Variants in PPP2R1A observed in about 807,000 individuals in gnomAD.
PPP2R1A encodes protein phosphatase 2 scaffold subunit Aalpha.
Under a neutral mutation model 67.1 loss-of-function variants are expected in PPP2R1A, and 15 were observed. The observed-to-expected ratio is 0.22, with a 90% CI of 0.15 to 0.34. The LOEUF (loss-of-function observed/expected upper bound fraction) is 0.34. Ranked by LOEUF, PPP2R1A falls within the 10% of genes least tolerant of loss-of-function variation. The pLI, the probability that PPP2R1A is intolerant of heterozygous loss-of-function variation, is 1.00. For synonymous variants in PPP2R1A, 337 were observed against 325.0 expected (o/e 1.04, Z -0.40); for missense variants, 369 against 775.0 (o/e 0.48, Z 6.22).
chr19:52,216,056 G>C lies in PPP2R1A; in HGVS notation c.975G>C (p.Gln325His). The C allele has an allele frequency of 1.9e-6, 3 of 1,613,908 alleles. No individual in the cohort carries two copies. The highest frequency in any genetic ancestry group is 2.2e-5 in the South Asian group (2 of 91,074). ...ADCRENVIMS[Q>H]ILPCIKELVS... ...GTCGGGAGAATGTGATCATGTCCCAGATCTTGCCCTGCATCAAGGTAACAG... is the reference window on the plus strand; with the variant it reads ...GTCGGGAGAATGTGATCATGTCCCACATCTTGCCCTGCATCAAGGTAACAG... The change falls in exon 8 of 15, where the codon CAG (glutamine) becomes CAC (histidine). Residue 325 changes from glutamine to histidine, a missense_variant. Gln to His is a conservative substitution (Grantham distance 24, BLOSUM62 0). Coordinates refer to ENST00000322088, the MANE Select transcript of PPP2R1A (RefSeq NM_014225.6). The surrounding 1 kb of genome is among the most constrained non-coding windows in gnomAD (Gnocchi z 4.3).
chr19:52,192,810 G>T (rs992433612), intron 1 of PPP2R1A, among the ~76,000 whole-genome samples: 2 of 152,182 alleles, frequency 1.3e-5, no homozygotes, highest in Non-Finnish European at 2.9e-5. Context: ...GCAGGGTGAG[G>T]TGTGGGGGAA....
In PPP2R1A at chr19:52,221,949, T is replaced by C. The variant is rs1027652177; in HGVS notation, c.1519-150T>C. On this transcript the variant is annotated intron_variant, in intron 12 of 14. Coordinates refer to ENST00000322088, the MANE Select transcript of PPP2R1A (RefSeq NM_014225.6). ...TGGTGTTAGGATGGTGTTAGTGGAGTTGGGAGATTCACTCCACTAACTGAG... is the reference window on the plus strand; with the variant it reads ...TGGTGTTAGGATGGTGTTAGTGGAGCTGGGAGATTCACTCCACTAACTGAG... 7.1e-5 allele frequency: 49 copies of C among 686,596 alleles called. 1 individual carries two copies. Among genetic ancestry groups the C allele is most frequent in the South Asian group, 4.9e-4 (24 of 49,058 alleles). The allele number at this position is 686,596 out of a possible 1,614,324, so 42.5% of individuals were successfully genotyped here.
At chr19:52,205,896 T>G in intron 2 of PPP2R1A, 67 bp from the exon 3 acceptor site, 1 of 1,296,282 alleles carries the variant, frequency 7.7e-7, no homozygotes, top group African/African-American at 1.5e-5. Context: ...GGAGTCCATG[T>G]GTTCTGAGCT....
intron 2 of PPP2R1A, among the ~76,000 whole-genome samples, chr19:52,204,655 CAAAG>C (rs1373788608): frequency 7.2e-5 from 11 of 152,182 alleles, no homozygotes; most frequent in African/African-American, 2.6e-4. Context: ...CTTCAGGAGA[CAAAG>C]AAAACAGGGA....
At chr19:52,209,269 G>A (rs189629071) in intron 3 of PPP2R1A, among the ~76,000 whole-genome samples, 1 of 151,326 alleles carries the variant, frequency 6.6e-6, no homozygotes, top group African/African-American at 2.4e-5. Flanking sequence ...CCTTCTCTGT[G>A]CCAGCCCAGG....
chr19:52,196,894 C>A (rs921189268), intron 1 of PPP2R1A, among the ~76,000 whole-genome samples: 2 of 152,152 alleles, frequency 1.3e-5, no homozygotes, highest in Non-Finnish European at 2.9e-5. Flanking sequence ...TAAGTGTGAC[C>A]CCCATCCCTA....
chr19:52,219,829 A>G lies in PPP2R1A; in HGVS notation c.1267A>G (p.Ile423Val). Residue 423 changes from isoleucine (I) to valine (V), a missense_variant, in exon 10 of 15, where the codon ATC (isoleucine) becomes GTC (valine). Ile to Val is a conservative substitution (Grantham distance 29, BLOSUM62 3). Coordinates refer to ENST00000322088, the MANE Select transcript of PPP2R1A (RefSeq NM_014225.6). The surrounding 1 kb of genome is among the most constrained non-coding windows in gnomAD (Gnocchi z 4.0). The stretch of plus-strand genomic sequence containing the variant: ...CGCCAAGTGGCGGGTGCGGCTGGCC[A>G]TCATTGAGTACATGCCCCTCCTGGC... ...EDAKWRVRLA[I>V]IEYMPLLAGQ... 2 of 1,612,526 alleles carry G rather than the reference A, an allele frequency of 1.2e-6. No homozygotes were observed. The highest frequency in any genetic ancestry group is 1.7e-6 in the Non-Finnish European group (2 of 1,179,930).
rs1286945594 is a variant in PPP2R1A, at chr19:52,219,880, T to C, written c.1302+16T>C. The C allele has an allele frequency of 6.2e-7, 1 of 1,603,606 alleles. No homozygotes were observed. Among genetic ancestry groups the C allele is most frequent in the African/African-American group, 1.3e-5 (1 of 74,960 alleles). On this transcript the variant is annotated intron_variant, in intron 10 of 14. Coordinates refer to ENST00000322088, the MANE Select transcript of PPP2R1A (RefSeq NM_014225.6). The surrounding 1 kb of genome is among the most constrained non-coding windows in gnomAD (Gnocchi z 4.0). Reference sequence around the variant, plus strand: ...TGGACAGCTGGTGAGTGAGGAGGCCTGGGGGCCAGGCAGTGCTGCCTCAGG... The same window carrying C: ...TGGACAGCTGGTGAGTGAGGAGGCCCGGGGGCCAGGCAGTGCTGCCTCAGG...
In PPP2R1A at chr19:52,213,467, T is replaced by TG. The variant is rs1207716620; in HGVS notation, c.807+357_807+358insG. Among the ~76,000 whole-genome samples the TG allele has an allele frequency of 9.0e-5, 10 of 111,370 alleles. No individual in the cohort carries two copies. Among genetic ancestry groups the TG allele is most frequent in the Non-Finnish European group, 1.3e-4 (7 of 54,996 alleles). 73.1% of individuals were successfully genotyped at this position (111,370 alleles called of 152,430 possible). On this transcript the variant is annotated intron_variant, in intron 6 of 14. Transcript: ENST00000322088. This position sits in a 1 kb window ranked among gnomAD's most constrained non-coding sequence, Gnocchi z 4.2. ...GTGGGGTTTTTTGGTGTTTTTTTTT[T>TG]TTTTTTTTTTTTTTTTTTTTAAGAT... is the stretch of plus-strand genomic sequence containing the variant.
At chr19:52,221,806 A>G (rs916261875) in intron 12 of PPP2R1A, among the ~76,000 whole-genome samples, 4 of 152,068 alleles carry the variant, frequency 2.6e-5, no homozygotes, top group African/African-American at 9.7e-5. Flanking sequence ...TGTTCTGATC[A>G]TTTCTTCCCA....
At position 52,211,255 on chromosome 19, in the gene PPP2R1A, C is replaced by T; in HGVS notation, c.271-5C>T. The T allele has an allele frequency of 6.2e-7, 1 of 1,611,446 alleles. No homozygotes were observed. The highest frequency in any genetic ancestry group is 8.5e-7 in the Non-Finnish European group (1 of 1,179,506). On this transcript the variant is annotated splice_polypyrimidine_tract_variant and splice_region_variant and intron_variant, in intron 3 of 14. Transcript: ENST00000322088. The surrounding 1 kb of genome is among the most constrained non-coding windows in gnomAD (Gnocchi z 5.3). ...CTGTCCAGTGACTTTGTGTTCTCAC[C>T]ACAGCCACCGCTGGAGTCGCTGGCC... is the stretch of plus-strand genomic sequence containing the variant.
At position 52,229,182 on chromosome 19, in the gene PPP2R1A, C is replaced by G. The variant is rs980794709; in HGVS notation, c.*3201C>G. The G allele has an allele frequency of 6.6e-6, 1 of 152,364 alleles. No homozygotes were observed. The highest frequency in any genetic ancestry group is 1.5e-5 in the Non-Finnish European group (1 of 68,220). The allele number at this position is 152,364 out of a possible 1,614,324, so 9.4% of individuals were successfully genotyped here. ...ATTGGTGTGGGCACAGTGGCTCGCACCTGTAATCCCAGCGCTTTGGGAGGC... is the reference window on the plus strand; with the variant it reads ...ATTGGTGTGGGCACAGTGGCTCGCAGCTGTAATCCCAGCGCTTTGGGAGGC... On this transcript the variant is annotated 3_prime_UTR_variant, in exon 15 of 15. Transcript: ENST00000322088.
intron 2 of PPP2R1A, 80 bp from the exon 3 acceptor site, chr19:52,205,883 A>G: frequency 2.6e-6 from 3 of 1,162,158 alleles, no homozygotes; most frequent in Non-Finnish European, 3.8e-6. Flanking sequence ...GAGGAAGCAG[A>G]ATGGAGTCCA....
chr19:52,229,426 C>T lies in PPP2R1A; in HGVS notation c.*3445C>T, dbSNP rs922264617. The T allele has an allele frequency of 5.3e-5, 8 of 152,246 alleles. No individual in the cohort carries two copies. Among genetic ancestry groups the T allele is most frequent in the African/African-American group, 1.9e-4 (8 of 41,382 alleles). 9.4% of individuals were successfully genotyped at this position (152,246 alleles called of 1,614,324 possible). ...GGCCATTGCACTCCAGCCAGGGTGA[C>T]AGAGCAAGACCCCATATGAAAAAAA... On this transcript the variant is annotated 3_prime_UTR_variant, in exon 15 of 15. Coordinates refer to ENST00000322088, the MANE Select transcript of PPP2R1A (RefSeq NM_014225.6).
chr19:52,216,497 T>C lies in PPP2R1A; in HGVS notation c.994-32T>C. ...CCACTTGCTGCTGCAGGGGTTGCAC[T>C]GACCCCTGTGCCTGCCTCTTCTCTC... On this transcript the variant is annotated intron_variant, in intron 8 of 14. Transcript: ENST00000322088. This position sits in a 1 kb window ranked among gnomAD's most constrained non-coding sequence, Gnocchi z 4.3. The C allele has an allele frequency of 1.2e-6, 2 of 1,613,872 alleles. No homozygotes were observed. Among genetic ancestry groups the C allele is most frequent in the Non-Finnish European group, 1.7e-6 (2 of 1,179,918 alleles).
chr19:52,215,834 A>G lies in PPP2R1A; in HGVS notation c.863A>G (p.Gln288Arg). The G allele has an allele frequency of 6.2e-7, 1 of 1,614,068 alleles. No individual in the cohort carries two copies. The highest frequency in any genetic ancestry group is 8.5e-7 in the Non-Finnish European group (1 of 1,179,948). ...ITKTDLVPAF[Q>R]NLMKDCEAEV... ...AAGACAGACCTGGTCCCTGCCTTCC[A>G]GAACCTGATGAAAGACTGTGAGGCC... The change falls in exon 7 of 15, where the codon CAG becomes CGG. Residue 288 changes from glutamine to arginine, a missense_variant. Around this residue, in one of 2 missense-constraint regions of PPP2R1A, gnomAD observed 276 missense variants for 508.4 expected, o/e 0.54. Coordinates refer to ENST00000322088, the MANE Select transcript of PPP2R1A (RefSeq NM_014225.6).
chr19:52,199,390 C>T (rs1284783697), intron 1 of PPP2R1A, among the ~76,000 whole-genome samples: 7 of 151,916 alleles, frequency 4.6e-5, no homozygotes, highest in African/African-American at 9.7e-5. Flanking sequence ...AGGATGGTCT[C>T]GATCTCCTAA....
intron 11 of PPP2R1A, among the ~76,000 whole-genome samples, chr19:52,220,607 A>G (rs1351599946): frequency 1.3e-5 from 2 of 152,238 alleles, no homozygotes; most frequent in South Asian, 2.1e-4. Context: ...CCTTGGGGCC[A>G]TTATGAGAAT....
At chr19:52,200,014 C>A (rs2089532059) in intron 1 of PPP2R1A, among the ~76,000 whole-genome samples, 1 of 152,200 alleles carries the variant, frequency 6.6e-6, no homozygotes, top group South Asian at 2.1e-4. Context: ...TCTGTGATCG[C>A]AGAGATATTC....
Sources: allele counts gnomAD v4.1 joint callset (sites outside exome capture counted in the v4.1 genomes callset), GRCh38; gene constraint gnomAD v4.1.1; regional missense constraint gnomAD v4.1.1; non-coding constraint Gnocchi (gnomAD v3.1); transcripts MANE v1.5; gene names NCBI Gene and HGNC (gene_info 2026-07-23, HGNC 2026-07-21).